The following TRAPPC9 variants were observed in gnomAD, a reference collection of about 807,000 sequenced individuals.
TRAPPC9 encodes IKK2 binding protein.
A neutral mutation model predicts 124.0 loss-of-function variants in TRAPPC9; 83 were observed. The observed-to-expected ratio is 0.67, with a 90% CI of 0.56 to 0.80. The LOEUF (loss-of-function observed/expected upper bound fraction) is 0.80, where lower values mean the gene tolerates loss of function less well. Among genes scored for constraint, TRAPPC9 ranks in the 30% least tolerant of loss-of-function variants. The pLI, the probability that TRAPPC9 is intolerant of heterozygous loss-of-function variation, is 0.00. For synonymous variants in TRAPPC9, 638 were observed against 617.5 expected (o/e 1.03, Z -0.49); for missense variants, 1,302 against 1,508.3 (o/e 0.86, Z 2.27).
intron 9 of TRAPPC9, among the ~76,000 whole-genome samples, chr8:140,332,302 T>C (rs2066914312): frequency 6.6e-6 from 1 of 151,794 alleles, no homozygotes; most frequent in Admixed American, 6.6e-5. Flanking sequence ...AAGGAGAGAG[T>C]AGAGGCTGGG....
chr8:140,328,057 C>A (rs1470607501), intron 9 of TRAPPC9, among the ~76,000 whole-genome samples: 1 of 152,104 alleles, frequency 6.6e-6, no homozygotes. Flanking sequence ...GAGTTTGAGA[C>A]CAGCCTGGCC....
At chr8:140,218,432 A>T (rs895355156) in intron 17 of TRAPPC9, among the ~76,000 whole-genome samples, 2 of 152,162 alleles carry the variant, frequency 1.3e-5, no homozygotes, top group African/African-American at 4.8e-5. Context: ...CAACAAATTG[A>T]GAAGCATTTA....
chr8:140,188,142 G>T (rs535804756), intron 17 of TRAPPC9, among the ~76,000 whole-genome samples: 1 of 152,186 alleles, frequency 6.6e-6, no homozygotes, highest in East Asian at 1.9e-4. Context: ...CTAAATGTGC[G>T]AGCAGGAATA....
rs1022074091 is a variant in TRAPPC9, at chr8:139,789,249, C to T, written c.3056-57047G>A. 7.9e-5 allele frequency among the ~76,000 whole-genome samples: 12 copies of T among 152,256 alleles called. No individual in the cohort carries two copies. The East Asian group carries it at 9.7e-4, about 12-fold the overall frequency. ...AGCCAGGTGTCTAGGGTCCCGGGCC[C>T]GCACCAAGCTCTGGTGCTGCCTTGA... On this transcript the variant is annotated intron_variant, in intron 21 of 22. Transcript: ENST00000438773.
intron 21 of TRAPPC9, among the ~76,000 whole-genome samples, chr8:139,770,399 G>C (rs563283805): frequency 3.0e-4 from 46 of 152,356 alleles, no homozygotes; most frequent in Non-Finnish European, 5.9e-4. Context: ...AGCGGGGAAG[G>C]CTTTGGTGTC....
intron 5 of TRAPPC9, among the ~76,000 whole-genome samples, chr8:140,407,812 G>A (rs942016504): frequency 3.3e-5 from 5 of 152,092 alleles, no homozygotes; most frequent in Non-Finnish European, 7.3e-5. Context: ...AGTAGAGATG[G>A]GGTTTCACCA....
chr8:140,256,466 C>G (rs1481020243), intron 15 of TRAPPC9, among the ~76,000 whole-genome samples: 3 of 152,162 alleles, frequency 2.0e-5, no homozygotes, highest in Admixed American at 2.0e-4. Context: ...TTTCTTCCTT[C>G]CCACCTGCTC....
intron 14 of TRAPPC9, among the ~76,000 whole-genome samples, chr8:140,276,023 G>A (rs118151076): frequency 1.3e-5 from 2 of 152,298 alleles, no homozygotes; most frequent in Non-Finnish European, 2.9e-5. Flanking sequence ...CTTTCCTCAT[G>A]CAGACACGTC....
intron 9 of TRAPPC9, among the ~76,000 whole-genome samples, chr8:140,334,311 T>C (rs757987248): frequency 7.2e-5 from 11 of 152,168 alleles, no homozygotes; most frequent in Non-Finnish European, 1.2e-4. Flanking sequence ...GGAGTCTCAA[T>C]TGATACATTT....
At chr8:139,761,981 C>T (rs1196200337) in intron 21 of TRAPPC9, among the ~76,000 whole-genome samples, 5 of 151,838 alleles carry the variant, frequency 3.3e-5, no homozygotes, top group Admixed American at 3.3e-4. Flanking sequence ...TACACTTGTA[C>T]AGGCAAAGCC....
intron 21 of TRAPPC9, among the ~76,000 whole-genome samples, chr8:139,793,252 C>T (rs879906780): frequency 6.6e-6 from 1 of 152,196 alleles, no homozygotes; most frequent in African/African-American, 2.4e-5. Context: ...ACCCCTCTGT[C>T]CCAACCAGAC....
At chr8:140,380,515 C>A (rs532544764) in intron 7 of TRAPPC9, among the ~76,000 whole-genome samples, 1 of 151,670 alleles carries the variant, frequency 6.6e-6, no homozygotes, top group African/African-American at 2.4e-5. Context: ...ATTAGCCAGG[C>A]CTTGTGGCAG....
chr8:139,927,975 T>TG (rs1322584144), intron 19 of TRAPPC9, among the ~76,000 whole-genome samples: 1 of 152,190 alleles, frequency 6.6e-6, no homozygotes, highest in Non-Finnish European at 1.5e-5. Context: ...AAAGAACTTT[T>TG]GGGGGTGATA....
chr8:139,804,759 C>T (rs1823921246), intron 21 of TRAPPC9, among the ~76,000 whole-genome samples: 1 of 151,446 alleles, frequency 6.6e-6, no homozygotes, highest in South Asian at 2.1e-4. Flanking sequence ...GCACCGCCAC[C>T]ACTACCCACC....
rs115229031 is a variant in TRAPPC9, at chr8:140,453,406, C to T, written c.-10-2023G>A. On this transcript the variant is annotated intron_variant, in intron 1 of 22. Transcript: ENST00000438773. ...AGAGATCGTGGCAGTAAAACCCTCC[C>T]AGGTGACACTAAGATTAAAGTGACA... 6.3e-3 allele frequency among the ~76,000 whole-genome samples: 922 copies of T among 147,058 alleles called. 12 individuals carry two copies. The highest frequency in any genetic ancestry group is 0.021 in the African/African-American group (855 of 39,916).
chr8:139,990,054 G>A (rs1837525281), intron 18 of TRAPPC9, among the ~76,000 whole-genome samples: 1 of 152,150 alleles, frequency 6.6e-6, no homozygotes, highest in African/African-American at 2.4e-5. Context: ...AAAAAGATCT[G>A]TGCTCTGGGT....
chr8:140,053,311 G>A (rs1026428988), intron 17 of TRAPPC9, among the ~76,000 whole-genome samples: 2 of 152,210 alleles, frequency 1.3e-5, no homozygotes, highest in African/African-American at 4.8e-5. Flanking sequence ...CCAGGATGAG[G>A]CTGACCCAAT....
At chr8:139,842,868 T>C (rs1034288126) in intron 21 of TRAPPC9, among the ~76,000 whole-genome samples, 1 of 152,236 alleles carries the variant, frequency 6.6e-6, no homozygotes, top group Non-Finnish European at 1.5e-5. Flanking sequence ...ACAACCGGGT[T>C]TCATTTCATG....
At chr8:140,035,430 C>T (rs1308884950) in intron 17 of TRAPPC9, among the ~76,000 whole-genome samples, 1 of 152,126 alleles carries the variant, frequency 6.6e-6, no homozygotes, top group African/African-American at 2.4e-5. Context: ...TTGATGGGGA[C>T]CCCCAGCAAA....
Sources: allele counts gnomAD v4.1 joint callset (sites outside exome capture counted in the v4.1 genomes callset), GRCh38; gene constraint gnomAD v4.1.1; transcripts MANE v1.5; gene names NCBI Gene and HGNC (gene_info 2026-07-23, HGNC 2026-07-21).